SCYL3: variants seen among roughly 807,000 people sequenced by gnomAD.
SCYL3 encodes SCY1 like pseudokinase 3.
Under a neutral mutation model 73.8 loss-of-function variants are expected in SCYL3, and 35 were observed. The ratio of observed to expected loss-of-function variants is 0.47; its 90% confidence interval spans 0.36 to 0.63. The LOEUF is 0.63. Among genes scored for constraint, SCYL3 ranks in the 20% least tolerant of loss-of-function variants. The pLI is 0.00. For missense variants in SCYL3, 712 were observed against 798.9 expected (o/e 0.89, Z 1.31); for synonymous variants, 277 against 295.2 (o/e 0.94, Z 0.63).
rs1192459673 is a variant in SCYL3, at chr1:169,854,499, A to G, written c.1778T>C (p.Leu593Pro). 3 of 1,613,948 alleles carry G rather than the reference A, an allele frequency of 1.9e-6. No homozygotes were observed. Among genetic ancestry groups the G allele is most frequent in the Non-Finnish European group, 2.5e-6 (3 of 1,179,986 alleles). Residue 593 changes from leucine (L) to proline (P), a missense_variant, in exon 12 of 13, where the codon CTT becomes CCT. Physicochemically the swap from Leu to Pro is moderately conservative, Grantham distance 98. Coordinates refer to ENST00000367771, the MANE Select transcript of SCYL3 (RefSeq NM_020423.7). ...PPKVSSQERPLKVPSELGLGE... is the reference protein window; with the variant it reads ...PPKVSSQERPPKVPSELGLGE... Reference sequence around the variant, plus strand: ...TAAACCAAGTTCTGATGGAACCTTAAGGGGCCTTTCTTGTGATGACACTTT... The same window carrying G: ...TAAACCAAGTTCTGATGGAACCTTAGGGGGCCTTTCTTGTGATGACACTTT...
At chr1:169,864,035 A>C (rs1659850721) in intron 9 of SCYL3, among the ~76,000 whole-genome samples, 2 of 152,304 alleles carry the variant, frequency 1.3e-5, no homozygotes, top group South Asian at 4.1e-4. Flanking sequence ...TGCTCTTGGT[A>C]AGGTAGGAGG....
intron 10 of SCYL3, among the ~76,000 whole-genome samples, chr1:169,861,377 A>G (rs982878356): frequency 2.0e-5 from 3 of 152,152 alleles, no homozygotes; most frequent in African/African-American, 7.2e-5. Context: ...TGCTAGAGAA[A>G]TCATGTGGAA....
In SCYL3 at chr1:169,880,081, A is replaced by C. The variant is rs1661140239; in HGVS notation, c.166-1262T>G. 2.0e-5 allele frequency among the ~76,000 whole-genome samples: 3 copies of C among 152,098 alleles called. No individual in the cohort carries two copies. In the South Asian group the frequency reaches 6.2e-4, roughly 31 times the overall value. On this transcript the variant is annotated intron_variant, in intron 2 of 12. Coordinates refer to ENST00000367771, the MANE Select transcript of SCYL3 (RefSeq NM_020423.7). ...CCAGGAGTTCAAGACCAGCCTGGGC[A>C]ACACAGTGAAATCTCCATCTCATAA...
intron 1 of SCYL3, 33 bp from the exon 2 acceptor site, chr1:169,888,923 A>G: frequency 7.9e-7 from 1 of 1,271,550 alleles, no homozygotes; most frequent in Non-Finnish European, 1.1e-6. Flanking sequence ...TTCAAACATT[A>G]AATCCCTATC....
intron 10 of SCYL3, 126 bp from the exon 11 acceptor site, chr1:169,859,338 C>A (rs1659446949): frequency 1.1e-6 from 1 of 870,746 alleles, no homozygotes; most frequent in African/African-American, 1.7e-5. Flanking sequence ...GATATGTGTT[C>A]CAGGTCAGTG....
intron 1 of SCYL3, 150 bp from the exon 2 acceptor site, chr1:169,889,040 T>G: frequency 2.2e-6 from 1 of 448,202 alleles, no homozygotes; most frequent in Non-Finnish European, 3.9e-6. Flanking sequence ...GCTCTGCAAG[T>G]TACCAGCAAT....
At chr1:169,891,243 T>G (rs1428675836) in intron 1 of SCYL3, among the ~76,000 whole-genome samples, 2 of 152,150 alleles carry the variant, frequency 1.3e-5, no homozygotes, top group East Asian at 3.9e-4. Context: ...AGGAAGTCAG[T>G]TGGTAGTAAA....
intron 3 of SCYL3, among the ~76,000 whole-genome samples, chr1:169,876,610 A>C (rs1202567439): frequency 3.3e-5 from 5 of 152,180 alleles, no homozygotes; most frequent in Admixed American, 3.3e-4. Flanking sequence ...TAGGCATTAA[A>C]AAAATTCTGC....
chr1:169,856,752 T>C (rs1659205487), intron 11 of SCYL3, among the ~76,000 whole-genome samples: 1 of 152,186 alleles, frequency 6.6e-6, no homozygotes, highest in African/African-American at 2.4e-5. Context: ...TTCCCTTTCA[T>C]AGCTGAAAAT....
intron 2 of SCYL3, among the ~76,000 whole-genome samples, chr1:169,883,750 G>A (rs749077480): frequency 3.0e-5 from 4 of 131,362 alleles, no homozygotes; most frequent in Admixed American, 9.0e-5. Flanking sequence ...ACAGAGTCTC[G>A]CTATGTCACC....
intron 5 of SCYL3, among the ~76,000 whole-genome samples, chr1:169,872,803 C>T (rs1490111131): frequency 6.6e-6 from 1 of 152,182 alleles, no homozygotes; most frequent in Non-Finnish European, 1.5e-5. Flanking sequence ...GGATTTCACA[C>T]TTGCCTGTAG....
intron 3 of SCYL3, among the ~76,000 whole-genome samples, chr1:169,876,804 T>A (rs1427065414): frequency 6.6e-6 from 1 of 150,980 alleles, no homozygotes; most frequent in Non-Finnish European, 1.5e-5. Context: ...AAATACAAAA[T>A]ATTAGCCGGG....
At chr1:169,894,156 G>C (rs1297546559), upstream of SCYL3, 3 of 152,270 alleles carry the variant, frequency 2.0e-5, no homozygotes, top group Admixed American at 2.0e-4. Flanking sequence ...TTGGTCGAAT[G>C]CTTAAGTTTG....
At chr1:169,865,876 A>C (rs1018419619) in intron 8 of SCYL3, among the ~76,000 whole-genome samples, 2 of 152,078 alleles carry the variant, frequency 1.3e-5, no homozygotes, top group Non-Finnish European at 2.9e-5. Flanking sequence ...CTTCTCATTC[A>C]TCAGCCACTC....
intron 9 of SCYL3, 93 bp downstream of exon 9, chr1:169,864,276 A>G: frequency 6.6e-7 from 1 of 1,513,980 alleles, no homozygotes; most frequent in Non-Finnish European, 9.1e-7. Flanking sequence ...ACCAAACATT[A>G]ACTACACCAC....
chr1:169,858,898 G>A (rs539761075), intron 11 of SCYL3, 143 bp downstream of exon 11: 52 of 675,280 alleles, frequency 7.7e-5, no homozygotes, highest in Non-Finnish European at 9.6e-5. Context: ...AAATCCCCCC[G>A]AGAAGTTCAG....
intron 7 of SCYL3, among the ~76,000 whole-genome samples, chr1:169,867,717 C>CTT (rs1465953168): frequency 6.6e-6 from 1 of 152,236 alleles, no homozygotes. Flanking sequence ...TCAGCTGCCT[C>CTT]TGTAAGAGAT....
At chr1:169,891,327 C>T (rs772513854) in intron 1 of SCYL3, among the ~76,000 whole-genome samples, 2 of 152,206 alleles carry the variant, frequency 1.3e-5, no homozygotes, top group Non-Finnish European at 2.9e-5. Context: ...CATCTCAAGA[C>T]TACCGGAAGC....
Position 169,876,062 on chromosome 1 carries a change from TAAAC to T in SCYL3, c.377_380del (p.Cys126TyrfsTer6), listed in dbSNP as rs1290015079. 1 of 1,608,452 alleles carries T rather than the reference TAAAC, an allele frequency of 6.2e-7. No homozygotes were observed. The highest frequency in any genetic ancestry group is 8.5e-7 in the Non-Finnish European group (1 of 1,177,674). Reference sequence around the variant, plus strand: ...CATCTTCACTCACAAACACAGATGATAAACAGACATTATTGTGTGTTAGGTGTCC... The same window carrying T: ...CATCTTCACTCACAAACACAGATGATAGACATTATTGTGTGTTAGGTGTCC... On this transcript the variant is annotated frameshift_variant, in exon 4 of 13. Coordinates refer to ENST00000367771, the MANE Select transcript of SCYL3 (RefSeq NM_020423.7). LOFTEE classifies it high-confidence loss of function.
Sources: allele counts gnomAD v4.1 joint callset (sites outside exome capture counted in the v4.1 genomes callset), GRCh38; gene constraint gnomAD v4.1.1; transcripts MANE v1.5; gene names NCBI Gene and HGNC (gene_info 2026-07-23, HGNC 2026-07-21).